PTPRT: variants seen among roughly 807,000 people sequenced by gnomAD.
The protein encoded by PTPRT is receptor-type tyrosine-protein phosphatase T.
Under a neutral mutation model 176.8 loss-of-function variants are expected in PTPRT, and 56 were observed. That is an observed-to-expected ratio of 0.32 (90% confidence interval 0.26 to 0.40). The LOEUF is 0.40. Ranked by LOEUF, PTPRT falls within the 10% of genes least tolerant of loss-of-function variation. The probability of loss-of-function intolerance (pLI) is 1.00; values close to 1 mark genes in which losing one functional copy is unlikely to be tolerated. For synonymous variants in PTPRT, 783 were observed against 739.0 expected (o/e 1.06, Z -0.96); for missense variants, 1,540 against 1,908.2 (o/e 0.81, Z 3.60).
chr20:42,845,189 T>C (rs1183842452), intron 2 of PTPRT, among the ~76,000 whole-genome samples: 1 of 152,158 alleles, frequency 6.6e-6, no homozygotes, highest in Non-Finnish European at 1.5e-5. Flanking sequence ...GACCAGTGCC[T>C]TGCTCGATGT....
chr20:42,321,628 T>C (rs1199101487), intron 11 of PTPRT, among the ~76,000 whole-genome samples: 1 of 152,172 alleles, frequency 6.6e-6, no homozygotes, highest in East Asian at 1.9e-4. Context: ...ACAGCTTTTA[T>C]CATAATTGAA....
intron 7 of PTPRT, among the ~76,000 whole-genome samples, chr20:42,513,662 G>T (rs17249751): frequency 6.6e-6 from 1 of 152,084 alleles, no homozygotes; most frequent in Non-Finnish European, 1.5e-5. Flanking sequence ...TGTAAAGAAC[G>T]ATCATCAGAA....
chr20:42,056,579 T>A, the PTPRT span, among the ~76,000 whole-genome samples: 1 of 152,352 alleles, frequency 6.6e-6, no homozygotes, highest in African/African-American at 2.4e-5. Flanking sequence ...AATTTGATGC[T>A]GCAAGAATGC....
intron 6 of PTPRT, among the ~76,000 whole-genome samples, chr20:42,734,068 C>T (rs933330605): frequency 2.0e-5 from 3 of 152,208 alleles, no homozygotes; most frequent in African/African-American, 4.8e-5. Context: ...TTTTCCCTTA[C>T]TGATTCCTGT....
At chr20:42,306,196 T>C (rs777332868) in intron 12 of PTPRT, among the ~76,000 whole-genome samples, 5 of 152,196 alleles carry the variant, frequency 3.3e-5, no homozygotes, top group Non-Finnish European at 5.9e-5. Flanking sequence ...ATTAGCAACC[T>C]GGGAGAGCTC....
chr20:42,304,243 T>A (rs144578527), intron 12 of PTPRT, among the ~76,000 whole-genome samples: 34 of 152,250 alleles, frequency 2.2e-4, no homozygotes, highest in African/African-American at 8.2e-4. Context: ...TTCCTCCTCC[T>A]GAATTCCCTG....
chr20:42,366,269 G>A (rs951128736), intron 9 of PTPRT, among the ~76,000 whole-genome samples: 4 of 152,214 alleles, frequency 2.6e-5, no homozygotes, highest in Non-Finnish European at 4.4e-5. Context: ...GTGCCCATTG[G>A]CAGATGGGTG....
chr20:42,545,295 T>C (rs2072654934), intron 7 of PTPRT, among the ~76,000 whole-genome samples: 1 of 152,288 alleles, frequency 6.6e-6, no homozygotes, highest in African/African-American at 2.4e-5. Context: ...CTCAGTTACC[T>C]GGCAAACAGG....
chr20:42,185,076 C>T (rs896204929), intron 16 of PTPRT, among the ~76,000 whole-genome samples: 6 of 152,030 alleles, frequency 3.9e-5, no homozygotes, highest in African/African-American at 1.4e-4. Flanking sequence ...GTTTTTACTT[C>T]GGAGTTTCAA....
chr20:42,439,514 T>C lies in PTPRT; in HGVS notation c.1560+8706A>G, dbSNP rs79509742. 8.5e-5 allele frequency among the ~76,000 whole-genome samples: 13 copies of C among 152,166 alleles called. 1 individual carries two copies. The highest frequency in any genetic ancestry group is 1.8e-4 in the Non-Finnish European group (12 of 68,020). ...TCTTGAATTTAATCCTTAAAAAAAT[T>C]AACACTTAGCAACTGCCTGTGTATG... On this transcript the variant is annotated intron_variant, in intron 9 of 30. Transcript: ENST00000373187.
intron 9 of PTPRT, among the ~76,000 whole-genome samples, chr20:42,367,436 G>A (rs1195326441): frequency 2.0e-5 from 3 of 152,128 alleles, no homozygotes; most frequent in South Asian, 2.1e-4. Context: ...GTTATTTTAG[G>A]CACCTGAGAT....
chr20:42,957,228 G>A (rs1981695797), intron 1 of PTPRT, among the ~76,000 whole-genome samples: 1 of 152,174 alleles, frequency 6.6e-6, no homozygotes, highest in South Asian at 2.1e-4. Flanking sequence ...AATGAATCAT[G>A]CCAAAGGTCG....
rs1232990082 is a variant in PTPRT, at chr20:42,103,834, A to C, written c.3540+735T>G. 2.0e-5 allele frequency among the ~76,000 whole-genome samples: 3 copies of C among 152,250 alleles called. No individual in the cohort carries two copies. The South Asian group carries it at 6.2e-4, about 31-fold the overall frequency. ...CTAGAACTGAATAAGACCTCAGTTA[A>C]AAAACATATTCACAGTTAAAGACAA... On this transcript the variant is annotated intron_variant, in intron 25 of 30. Coordinates refer to ENST00000373187, the MANE Select transcript of PTPRT (RefSeq NM_007050.6).
intron 7 of PTPRT, among the ~76,000 whole-genome samples, chr20:42,508,883 TA>T (rs1468870115): frequency 6.8e-6 from 1 of 146,616 alleles, no homozygotes; most frequent in Non-Finnish European, 1.5e-5. Flanking sequence ...ACTTAATTTA[TA>T]TTTAATTTAT....
chr20:42,284,200 T>C (rs1371886143), intron 12 of PTPRT, among the ~76,000 whole-genome samples: 2 of 152,060 alleles, frequency 1.3e-5, no homozygotes, highest in East Asian at 1.9e-4. Flanking sequence ...CATGATTATA[T>C]TGATATATGA....
intron 1 of PTPRT, among the ~76,000 whole-genome samples, chr20:43,022,622 G>C (rs144564796): frequency 6.6e-6 from 1 of 152,200 alleles, no homozygotes; most frequent in Non-Finnish European, 1.5e-5. Context: ...CTGGGAAGAG[G>C]AGAGTCTCTC....
At chr20:42,108,646 A>G in intron 23 of PTPRT, among the ~76,000 whole-genome samples, 1 of 86,560 alleles carries the variant, frequency 1.2e-5, no homozygotes, top group East Asian at 3.1e-4. Context: ...TAGGAGTGGG[A>G]ATATGAAAAC....
At chr20:42,929,421 A>C (rs1979692212) in intron 1 of PTPRT, among the ~76,000 whole-genome samples, 1 of 152,272 alleles carries the variant, frequency 6.6e-6, no homozygotes, top group Non-Finnish European at 1.5e-5. Flanking sequence ...TTTAAAGGAC[A>C]GAGGTGTATA....
In PTPRT at chr20:43,171,422, G is replaced by GA. The variant is rs775184309; in HGVS notation, c.88+18223dup. Among the ~76,000 whole-genome samples the GA allele has an allele frequency of 1.1e-4, 17 of 152,034 alleles. 1 individual carries two copies. Among genetic ancestry groups the GA allele is most frequent in the Non-Finnish European group, 2.4e-4 (16 of 67,992 alleles). ...TGATTATGGAGCACAAATTCCAGTA[G>GA]AAAAAAGTCAGAATAAAATAGAAAA... On this transcript the variant is annotated intron_variant, in intron 1 of 30. Coordinates refer to ENST00000373187, the MANE Select transcript of PTPRT (RefSeq NM_007050.6).
Sources: allele counts gnomAD v4.1 joint callset (sites outside exome capture counted in the v4.1 genomes callset), GRCh38; gene constraint gnomAD v4.1.1; transcripts MANE v1.5; gene names NCBI Gene and HGNC (gene_info 2026-07-23, HGNC 2026-07-21).